Variants in DOCK11 observed in about 807,000 individuals in gnomAD.
The protein encoded by DOCK11 is dedicator of cytokinesis 11, also known as dedicator of cytokinesis protein 11.
A neutral mutation model predicts 169.1 loss-of-function variants in DOCK11; 70 were observed. That is an observed-to-expected ratio of 0.41 (90% CI 0.34 to 0.51). The LOEUF is 0.51. Among genes scored for constraint, DOCK11 ranks in the 20% least tolerant of loss-of-function variants. The pLI is 0.10. For missense variants in DOCK11, 1,166 were observed against 1,538.8 expected, an observed-to-expected ratio of 0.76 and a Z score of 4.05; for synonymous variants, 529 against 541.3, an observed-to-expected ratio of 0.98 and a Z score of 0.32.
intron 1 of DOCK11, among the ~76,000 whole-genome samples, chrX:118,504,685 C>T (rs2057598828): frequency 8.9e-6 from 1 of 112,134 alleles, no homozygotes; most frequent in Non-Finnish European, 1.9e-5. Flanking sequence ...AGATTTACCC[C>T]TCTTGGTTTA....
rs2012868065 is a variant in DOCK11, at chrX:118,560,416, G to A, written c.559-967G>A. Among the ~76,000 whole-genome samples the A allele has an allele frequency of 2.7e-5, 3 of 111,574 alleles. 1 individual carries two copies. In the South Asian group the frequency reaches 1.1e-3, roughly 42 times the overall value. On this transcript the variant is annotated intron_variant, in intron 6 of 52. Transcript: ENST00000276202. ...CTTAAATTTTAAAGCCAGGTTCTTC[G>A]AATAAGACAAGATGCATAGGAATGC... is the stretch of plus-strand genomic sequence containing the variant.
At position 118,581,990 on chromosome X, in the gene DOCK11, C is replaced by T. The variant is rs190306694; in HGVS notation, c.1595+1811C>T. On this transcript the variant is annotated intron_variant, in intron 14 of 52. Coordinates refer to ENST00000276202, the MANE Select transcript of DOCK11 (RefSeq NM_144658.4). ...GCTAAAAATATAAAAATTAGCCGGGCGTGATGGCAGGCGCCTGTAATCCCA... is the reference window on the plus strand; with the variant it reads ...GCTAAAAATATAAAAATTAGCCGGGTGTGATGGCAGGCGCCTGTAATCCCA... Among the ~76,000 whole-genome samples the T allele has an allele frequency of 4.5e-3, 487 of 108,811 alleles. 5 individuals carry two copies. Among genetic ancestry groups the T allele is most frequent in the African/African-American group, 0.014 (421 of 29,758 alleles). 94.5% of individuals were successfully genotyped at this position (108,811 alleles called of 115,157 possible).
intron 6 of DOCK11, among the ~76,000 whole-genome samples, chrX:118,553,332 A>G (rs1263822167): frequency 1.8e-5 from 2 of 112,064 alleles, no homozygotes; most frequent in African/African-American, 6.5e-5. Context: ...ATAATGATAT[A>G]TGGAGGAATT....
chrX:118,609,530 T>C (rs1318395818), intron 27 of DOCK11, among the ~76,000 whole-genome samples, 181 bp downstream of exon 27: 3 of 112,464 alleles, frequency 2.7e-5, no homozygotes, highest in Non-Finnish European at 5.6e-5. Flanking sequence ...TACAAAACAA[T>C]GGATCTATTG....
intron 10 of DOCK11, among the ~76,000 whole-genome samples, chrX:118,569,747 T>G (rs973062744): frequency 9.4e-6 from 1 of 105,933 alleles, no homozygotes; most frequent in East Asian, 3.0e-4. Context: ...TTTTTTTTTT[T>G]GTAAAAAAGT....
At chrX:118,621,667 T>C (rs1410042386) in intron 31 of DOCK11, among the ~76,000 whole-genome samples, 1 of 110,923 alleles carries the variant, frequency 9.0e-6, no homozygotes. Context: ...GGAGTCTCGC[T>C]GTGTAGCCCA....
At chrX:118,670,657 T>C (rs2016447229) in intron 45 of DOCK11, among the ~76,000 whole-genome samples, 1 of 111,986 alleles carries the variant, frequency 8.9e-6, no homozygotes, top group Non-Finnish European at 1.9e-5. Flanking sequence ...ATATAAAAAA[T>C]AATAGATGTT....
chrX:118,534,039 T>A (rs909005504), intron 1 of DOCK11, among the ~76,000 whole-genome samples: 2 of 112,388 alleles, frequency 1.8e-5, no homozygotes, highest in African/African-American at 6.5e-5. Context: ...AGAAAAAAAA[T>A]TCTAATTTTA....
intron 44 of DOCK11, among the ~76,000 whole-genome samples, chrX:118,656,903 G>A (rs1203007371): frequency 9.0e-6 from 1 of 111,711 alleles, no homozygotes; most frequent in Non-Finnish European, 1.9e-5. Flanking sequence ...CTGCACTCCA[G>A]CCTGGGCAAT....
intron 1 of DOCK11, among the ~76,000 whole-genome samples, chrX:118,500,299 C>T (rs1439643539): frequency 5.4e-5 from 6 of 111,092 alleles, no homozygotes; most frequent in East Asian, 2.8e-4. Flanking sequence ...CCGCCCGCCT[C>T]GGTCTCTCAA....
At chrX:118,516,093 C>CTTTTTTTTTTTTTTTTTTTTTTTT (rs773184047) in intron 1 of DOCK11, among the ~76,000 whole-genome samples, 9 of 54,993 alleles carry the variant, frequency 1.6e-4, no homozygotes, top group African/African-American at 4.1e-4. Flanking sequence ...TTTTCTTTTT[C>CTTTTTTTTTTTTTTTTTTTTTTTT]TTTTTTTTTT....
At chrX:118,554,714 G>GAA (rs1026561479) in intron 6 of DOCK11, among the ~76,000 whole-genome samples, 1 of 111,731 alleles carries the variant, frequency 9.0e-6, no homozygotes, top group Non-Finnish European at 1.9e-5. Context: ...CGAAGGAAGT[G>GAA]AATCAGAAAG....
chrX:118,583,219 G>A (rs761807203), intron 14 of DOCK11, among the ~76,000 whole-genome samples: 23 of 111,035 alleles, frequency 2.1e-4, no homozygotes, highest in Non-Finnish European at 3.8e-4. Context: ...ATAGGTGGGA[G>A]TTGAACAATG....
intron 16 of DOCK11, 113 bp from the exon 17 acceptor site, chrX:118,588,024 G>A: frequency 1.4e-6 from 1 of 736,654 alleles, no homozygotes; most frequent in Non-Finnish European, 1.9e-6. Flanking sequence ...TAAGAATTAT[G>A]TTTTTTAAAT....
At chrX:118,668,799 G>C (rs1410629282) in intron 45 of DOCK11, among the ~76,000 whole-genome samples, 4 of 111,391 alleles carry the variant, frequency 3.6e-5, no homozygotes, top group Admixed American at 1.9e-4. Context: ...TCCTGGAAAA[G>C]GTGATACCTA....
rs779379568 is a variant in DOCK11, at chrX:118,495,935, TCCGCCCGCCCGCCGAGAC to T, written c.-27_-10del. 2,205 of 975,942 alleles carry T rather than the reference TCCGCCCGCCCGCCGAGAC, an allele frequency of 2.3e-3. 52 individuals carry two copies. The Admixed American group carries it at 0.056, about 25-fold the overall frequency. The allele number at this position is 975,942 out of a possible 1,213,427, so 80.4% of individuals were successfully genotyped here. A position where few individuals can be genotyped will look rare whatever the true frequency, so the allele number is the denominator to read the frequency against. Reference sequence around the variant, plus strand: ...CAGTGAGTCCACCCGCCCGCCGAGGTCCGCCCGCCCGCCGAGACCCGCCCGCCGCCGCTGCCATGGCCG... The same window carrying T: ...CAGTGAGTCCACCCGCCCGCCGAGGTCCGCCCGCCGCCGCTGCCATGGCCG... On this transcript the variant is annotated 5_prime_UTR_variant, in exon 1 of 53. Transcript: ENST00000276202.
chrX:118,677,542 G>A (rs899772591), intron 48 of DOCK11, among the ~76,000 whole-genome samples: 2 of 112,087 alleles, frequency 1.8e-5, no homozygotes, highest in African/African-American at 6.5e-5. Flanking sequence ...TATGATATGC[G>A]CAGTGCTATG....
intron 1 of DOCK11, among the ~76,000 whole-genome samples, chrX:118,524,303 A>G (rs980985007): frequency 9.0e-6 from 1 of 111,706 alleles, no homozygotes; most frequent in Non-Finnish European, 1.9e-5. Flanking sequence ...TACCTTCTCC[A>G]TCCATATTTC....
chrX:118,575,103 T>C (rs2013404237), intron 12 of DOCK11, among the ~76,000 whole-genome samples: 1 of 111,820 alleles, frequency 8.9e-6, no homozygotes, highest in African/African-American at 3.2e-5. Context: ...TACATTCTTA[T>C]GTAGAAAATT....
Sources: allele counts gnomAD v4.1 joint callset (sites outside exome capture counted in the v4.1 genomes callset), GRCh38; gene constraint gnomAD v4.1.1; transcripts MANE v1.5; gene names NCBI Gene and HGNC (gene_info 2026-07-23, HGNC 2026-07-21).